Variants in C2CD5 observed in about 807,000 individuals in gnomAD.
C2CD5 encodes the protein C2 calcium dependent domain containing 5, also known as C2 domain-containing protein 5.
C2CD5 carries 109 observed loss-of-function variants against 130.3 expected under a neutral mutation model. The observed-to-expected ratio is 0.84, with a 90% CI of 0.72 to 0.98. The LOEUF (loss-of-function observed/expected upper bound fraction) is 0.98. Among genes scored for constraint, C2CD5 ranks in the 50% least tolerant of loss-of-function variants. The probability of loss-of-function intolerance (pLI) is 0.00; values close to 1 mark genes in which losing one functional copy is unlikely to be tolerated. For synonymous variants in C2CD5, 454 were observed against 429.2 expected (o/e 1.06, Z -0.71); for missense variants, 996 against 1,261.8 (o/e 0.79, Z 3.19).
At chr12:22,531,228 G>A (rs1443471738) in intron 3 of C2CD5, among the ~76,000 whole-genome samples, 2 of 152,054 alleles carry the variant, frequency 1.3e-5, no homozygotes, top group Non-Finnish European at 2.9e-5. Context: ...TGTGCAACGG[G>A]TCTTTCAAAA....
At chr12:22,543,163 A>G (rs1200683168) in intron 2 of C2CD5, among the ~76,000 whole-genome samples, 1 of 152,206 alleles carries the variant, frequency 6.6e-6, no homozygotes, top group Non-Finnish European at 1.5e-5. Context: ...TCTATCCATC[A>G]ATTCTAAGCA....
Position 22,449,013 on chromosome 12 carries a change from C to T in C2CD5, c.*747G>A, listed in dbSNP as rs1937979419. On this transcript the variant is annotated 3_prime_UTR_variant, in exon 27 of 27. Transcript: ENST00000446597. ...TTACTACTTTAACAAAATTCACTGACATTTTTATCCCAGTTGAAGTCAAGC... is the reference window on the plus strand; with the variant it reads ...TTACTACTTTAACAAAATTCACTGATATTTTTATCCCAGTTGAAGTCAAGC... The T allele has an allele frequency of 6.6e-6, 1 of 152,270 alleles. No individual in the cohort carries two copies. The highest frequency in any genetic ancestry group is 1.5e-5 in the Non-Finnish European group (1 of 67,994). 9.4% of individuals were successfully genotyped at this position (152,270 alleles called of 1,614,324 possible).
At chr12:22,528,058 C>CT (rs1276210740) in intron 3 of C2CD5, among the ~76,000 whole-genome samples, 166 bp from the exon 4 acceptor site, 1 of 152,160 alleles carries the variant, frequency 6.6e-6, no homozygotes, top group Non-Finnish European at 1.5e-5. Flanking sequence ...GATATAGCTC[C>CT]TTTTCCTACA....
At chr12:22,460,565 C>T (rs1260270689) in intron 22 of C2CD5, 8 of 152,006 alleles carry the variant, frequency 5.3e-5, no homozygotes, top group African/African-American at 1.7e-4. Flanking sequence ...AAGTATCTCA[C>T]CACACCCCAC....
chr12:22,470,950 A>AAAAAAAT (rs1942924230), intron 20 of C2CD5, 39 bp from the exon 21 acceptor site: 1 of 1,364,872 alleles, frequency 7.3e-7, no homozygotes, highest in African/African-American at 1.4e-5. Context: ...CAAAATAATC[A>AAAAAAAT]CTGCCAAAAC....
intron 3 of C2CD5, among the ~76,000 whole-genome samples, chr12:22,530,109 T>TAC (rs1346617859): frequency 1.7e-3 from 185 of 106,664 alleles, no homozygotes; most frequent in South Asian, 6.6e-3. Flanking sequence ...TATATATATA[T>TAC]ATACACACAC....
chr12:22,449,680 A>T lies in C2CD5; in HGVS notation c.*80T>A. 1 of 1,272,868 alleles carries T rather than the reference A, an allele frequency of 7.9e-7. No individual in the cohort carries two copies. Among genetic ancestry groups the T allele is most frequent in the Non-Finnish European group, 1.1e-6 (1 of 900,994 alleles). The allele number at this position is 1,272,868 out of a possible 1,614,324, so 78.8% of individuals were successfully genotyped here. On this transcript the variant is annotated 3_prime_UTR_variant, in exon 27 of 27. Transcript: ENST00000446597. ...CCTTATTTATCTCAAGTTCAATTTT[A>T]AGTCTAAGAAGATAATTAATGACAA...
chr12:22,513,396 C>T lies in C2CD5; in HGVS notation c.953-17G>A. On this transcript the variant is annotated splice_polypyrimidine_tract_variant and intron_variant, in intron 8 of 26. Coordinates refer to ENST00000446597, the MANE Select transcript of C2CD5 (RefSeq NM_001286176.2). ...TTCCCATTCCTACAGAACATCAGTA[C>T]ATAAATAACAACCAAAAAAGCAACT... 3 of 1,542,762 alleles carry T rather than the reference C, an allele frequency of 1.9e-6. No individual in the cohort carries two copies. Among genetic ancestry groups the T allele is most frequent in the Non-Finnish European group, 2.7e-6 (3 of 1,115,476 alleles).
chr12:22,521,277 T>TAAAAAA (rs1950245665), intron 7 of C2CD5, among the ~76,000 whole-genome samples: 1 of 152,178 alleles, frequency 6.6e-6, no homozygotes, highest in Non-Finnish European at 1.5e-5. Flanking sequence ...ATAACTTGAC[T>TAAAAAA]TAATTAGTAA....
At chr12:22,517,269 T>C (rs570833722) in intron 8 of C2CD5, among the ~76,000 whole-genome samples, 1 of 150,852 alleles carries the variant, frequency 6.6e-6, no homozygotes, top group African/African-American at 2.5e-5. Flanking sequence ...CTATTAAGTT[T>C]TTAAATTTAT....
chr12:22,521,134 T>C (rs1254663848), intron 7 of C2CD5, among the ~76,000 whole-genome samples: 1 of 152,142 alleles, frequency 6.6e-6, no homozygotes, highest in Non-Finnish European at 1.5e-5. Flanking sequence ...ATTACATAAT[T>C]AAATACCAGA....
At chr12:22,515,005 C>G in intron 8 of C2CD5, 1 of 985,282 alleles carries the variant, frequency 1.0e-6, no homozygotes, top group Non-Finnish European at 1.2e-6. Flanking sequence ...CACTTTTCCT[C>G]AGAACTGGGC....
At chr12:22,512,851 T>C (rs925159268) in intron 9 of C2CD5, among the ~76,000 whole-genome samples, 7 of 152,034 alleles carry the variant, frequency 4.6e-5, no homozygotes, top group African/African-American at 9.7e-5. Context: ...TTTAGAAATA[T>C]AGAATCTGTA....
rs571388587 is a variant in C2CD5, at chr12:22,490,034, A to G, written c.1358+89T>C. ...ACACTGTACCCCTGTAAGCCACCCT[A>G]CGGAGAAGAATTATCCCAACTCTCA... On this transcript the variant is annotated intron_variant, in intron 12 of 26. Coordinates refer to ENST00000446597, the MANE Select transcript of C2CD5 (RefSeq NM_001286176.2). The G allele has an allele frequency of 2.2e-4, 201 of 894,792 alleles. No homozygotes were observed. The African/African-American group carries it at 3.2e-3, about 14-fold the overall frequency. The allele number at this position is 894,792 out of a possible 1,614,324, so 55.4% of individuals were successfully genotyped here.
intron 15 of C2CD5, among the ~76,000 whole-genome samples, chr12:22,477,508 C>A (rs1393599001): frequency 6.6e-6 from 1 of 151,952 alleles, no homozygotes; most frequent in South Asian, 2.1e-4. Context: ...GTTATACTTT[C>A]TTTTTTTATT....
At chr12:22,454,874 A>G (rs989624383) in intron 25 of C2CD5, among the ~76,000 whole-genome samples, 1 of 152,208 alleles carries the variant, frequency 6.6e-6, no homozygotes, top group Non-Finnish European at 1.5e-5. Flanking sequence ...GCATATAATA[A>G]GAATTCCATA....
intron 10 of C2CD5, among the ~76,000 whole-genome samples, chr12:22,498,876 T>C (rs1174347744): frequency 6.6e-6 from 1 of 152,198 alleles, no homozygotes; most frequent in African/African-American, 2.4e-5. Context: ...TACATTTTGA[T>C]ACCACGCTAT....
chr12:22,477,021 C>G (rs548051906), intron 15 of C2CD5, among the ~76,000 whole-genome samples: 84 of 152,140 alleles, frequency 5.5e-4, no homozygotes, highest in African/African-American at 1.8e-3. Context: ...GTTAACACAT[C>G]AACATTTGCA....
intron 7 of C2CD5, 141 bp from the exon 8 acceptor site, chr12:22,518,278 G>C: frequency 2.7e-6 from 2 of 745,486 alleles, no homozygotes; most frequent in South Asian, 3.0e-5. Flanking sequence ...TGAGGCCAAA[G>C]ACAACCAATT....
Sources: allele counts gnomAD v4.1 joint callset (sites outside exome capture counted in the v4.1 genomes callset), GRCh38; gene constraint gnomAD v4.1.1; transcripts MANE v1.5; gene names NCBI Gene and HGNC (gene_info 2026-07-23, HGNC 2026-07-21).